FBLN5: variants seen among roughly 807,000 people sequenced by gnomAD.
FBLN5 encodes fibulin-5.
A neutral mutation model predicts 61.6 loss-of-function variants in FBLN5; 24 were observed. That is an observed-to-expected ratio of 0.39 (90% confidence interval 0.28 to 0.55). The LOEUF (loss-of-function observed/expected upper bound fraction) is 0.55, where lower values mean the gene tolerates loss of function less well. Among genes scored for constraint, FBLN5 ranks in the 20% least tolerant of loss-of-function variants. The probability of loss-of-function intolerance (pLI) is 0.65; values close to 1 mark genes in which losing one functional copy is unlikely to be tolerated. For missense variants in FBLN5, 470 were observed against 594.1 expected (o/e 0.79, Z 2.17); for synonymous variants, 213 against 219.8 (o/e 0.97, Z 0.27).
intron 2 of FBLN5, among the ~76,000 whole-genome samples, chr14:91,941,138 T>C (rs951885291): frequency 3.5e-4 from 53 of 152,172 alleles, no homozygotes; most frequent in African/African-American, 1.3e-3. Flanking sequence ...ACTCTTTCTT[T>C]AGGTGCTACC....
chr14:91,900,971 A>G (rs1207063246), intron 4 of FBLN5, among the ~76,000 whole-genome samples: 1 of 152,212 alleles, frequency 6.6e-6, no homozygotes, highest in African/African-American at 2.4e-5. Context: ...AGCCAAAGCC[A>G]GGGACTTCTC....
At chr14:91,915,187 GAGTT>G (rs1302134336) in intron 4 of FBLN5, among the ~76,000 whole-genome samples, 1 of 151,504 alleles carries the variant, frequency 6.6e-6, no homozygotes, top group Middle Eastern at 3.4e-3. Context: ...AAAAAAAAAA[GAGTT>G]AGCACAATAT....
intron 4 of FBLN5, among the ~76,000 whole-genome samples, chr14:91,913,825 T>C (rs548805317): frequency 6.6e-6 from 1 of 152,328 alleles, no homozygotes; most frequent in South Asian, 2.1e-4. Context: ...AACAAAAAGA[T>C]AATTTAAATC....
chr14:91,887,633 T>C (rs1889788800), intron 6 of FBLN5, among the ~76,000 whole-genome samples: 1 of 152,100 alleles, frequency 6.6e-6, no homozygotes, highest in Admixed American at 6.5e-5. Context: ...CAACCAGGAA[T>C]TTCCAGGCAA....
intron 4 of FBLN5, among the ~76,000 whole-genome samples, chr14:91,897,403 A>G (rs1381756468): frequency 6.6e-6 from 1 of 152,342 alleles, no homozygotes; most frequent in East Asian, 1.9e-4. Flanking sequence ...TTTTCCCAGC[A>G]GGGAGTGATG....
chr14:91,899,146 G>GTA (rs1183238633), intron 4 of FBLN5, among the ~76,000 whole-genome samples: 1 of 150,412 alleles, frequency 6.6e-6, no homozygotes, highest in African/African-American at 2.4e-5. Flanking sequence ...GTGTGTTCGT[G>GTA]TGTGTGTGTG....
At chr14:91,903,167 G>C (rs1228636919) in intron 4 of FBLN5, among the ~76,000 whole-genome samples, 1 of 152,126 alleles carries the variant, frequency 6.6e-6, no homozygotes, top group Admixed American at 6.5e-5. Flanking sequence ...AAGCCTGCTG[G>C]TTATAACAGA....
intron 10 of FBLN5, 84 bp downstream of exon 10, chr14:91,877,403 C>A: frequency 8.6e-7 from 1 of 1,157,174 alleles, no homozygotes; most frequent in Non-Finnish European, 1.3e-6. Flanking sequence ...CCCACTCTTA[C>A]CTGCTTGCAT....
intron 4 of FBLN5, among the ~76,000 whole-genome samples, chr14:91,936,287 C>G (rs1447252072): frequency 6.6e-6 from 1 of 152,196 alleles, no homozygotes; most frequent in Non-Finnish European, 1.5e-5. Flanking sequence ...CCATGTTGCC[C>G]AGGCTGGAAC....
chr14:91,902,310 T>A (rs535810962), intron 4 of FBLN5, among the ~76,000 whole-genome samples: 2 of 147,656 alleles, frequency 1.4e-5, no homozygotes, highest in Non-Finnish European at 3.0e-5. Context: ...CAAAAAGCCA[T>A]GAGGCTTTGG....
intron 6 of FBLN5, among the ~76,000 whole-genome samples, chr14:91,889,728 G>T (rs1889900408): frequency 6.6e-6 from 1 of 152,230 alleles, no homozygotes; most frequent in Non-Finnish European, 1.5e-5. Context: ...GACGCCCTGT[G>T]CTGCCCATGG....
chr14:91,895,158 C>A (rs1890170965), intron 4 of FBLN5, 86 bp from the exon 5 acceptor site: 1 of 1,555,458 alleles, frequency 6.4e-7, no homozygotes, highest in Non-Finnish European at 8.8e-7. Context: ...CTCATCTTGG[C>A]TGGGAGGCAG....
intron 4 of FBLN5, among the ~76,000 whole-genome samples, chr14:91,932,834 A>G (rs1194861353): frequency 2.0e-5 from 3 of 152,252 alleles, no homozygotes; most frequent in African/African-American, 7.2e-5. Flanking sequence ...GGAAACAGTA[A>G]AGACTAAAAG....
intron 5 of FBLN5, among the ~76,000 whole-genome samples, chr14:91,893,573 T>C (rs1890085909): frequency 6.6e-6 from 1 of 152,234 alleles, no homozygotes; most frequent in African/African-American, 2.4e-5. Context: ...CAGAATGGTG[T>C]CTTAGAGAAT....
intron 8 of FBLN5, 120 bp from the exon 9 acceptor site, chr14:91,881,538 C>T (rs1889469706): frequency 1.9e-6 from 2 of 1,059,116 alleles, no homozygotes. Context: ...CAGCAACAGG[C>T]CATATGTGGC....
chr14:91,933,488 G>A (rs182683295), intron 4 of FBLN5, among the ~76,000 whole-genome samples: 3 of 152,058 alleles, frequency 2.0e-5, no homozygotes, highest in Non-Finnish European at 4.4e-5. Context: ...GGCTGGTCTC[G>A]AACTCCTGAC....
chr14:91,906,952 C>G (rs1028954133), intron 4 of FBLN5, among the ~76,000 whole-genome samples: 1 of 152,214 alleles, frequency 6.6e-6, no homozygotes, highest in African/African-American at 2.4e-5. Flanking sequence ...ACGAGGTAAT[C>G]CCAACTCAGG....
At chr14:91,895,909 C>A (rs1339456390) in intron 4 of FBLN5, among the ~76,000 whole-genome samples, 1 of 151,886 alleles carries the variant, frequency 6.6e-6, no homozygotes, top group East Asian at 1.9e-4. Context: ...CCAGTCTTCG[C>A]TCCACTCCAT....
intron 4 of FBLN5, among the ~76,000 whole-genome samples, chr14:91,915,762 CA>C (rs1891175029): frequency 1.3e-5 from 2 of 148,248 alleles, no homozygotes; most frequent in African/African-American, 2.5e-5. Context: ...CCAAAAATAC[CA>C]AATCTCAATG....
Sources: allele counts gnomAD v4.1 joint callset (sites outside exome capture counted in the v4.1 genomes callset), GRCh38; gene constraint gnomAD v4.1.1; transcripts MANE v1.5; gene names NCBI Gene and HGNC (gene_info 2026-07-23, HGNC 2026-07-21).